CNTNAP2: variants seen among roughly 807,000 people sequenced by gnomAD.
The protein encoded by CNTNAP2 is contactin associated protein 2.
In CNTNAP2, 98 loss-of-function variants were observed where a neutral mutation model predicts 155.2. That is an observed-to-expected ratio of 0.63 (90% CI 0.54 to 0.75). The LOEUF is 0.75. Ranked by LOEUF, CNTNAP2 falls within the 30% of genes least tolerant of loss-of-function variation. The probability of loss-of-function intolerance (pLI) is 0.00; values close to 1 mark genes in which losing one functional copy is unlikely to be tolerated. For synonymous variants in CNTNAP2, 651 were observed against 631.2 expected (o/e 1.03, Z -0.47); for missense variants, 1,727 against 1,688.1 (o/e 1.02, Z -0.40).
At chr7:146,120,746 G>T (rs1339683945) in intron 1 of CNTNAP2, among the ~76,000 whole-genome samples, 1 of 152,080 alleles carries the variant, frequency 6.6e-6, no homozygotes, top group Non-Finnish European at 1.5e-5. Context: ...TAAGTATGAT[G>T]AGATACACAA....
chr7:148,199,698 G>A (rs550832806), intron 18 of CNTNAP2, among the ~76,000 whole-genome samples: 1 of 152,300 alleles, frequency 6.6e-6, no homozygotes, highest in East Asian at 1.9e-4. Flanking sequence ...AGATTTTAAA[G>A]ACTTAGCATG....
At chr7:146,734,280 A>G (rs1801574265) in intron 1 of CNTNAP2, among the ~76,000 whole-genome samples, 1 of 152,128 alleles carries the variant, frequency 6.6e-6, no homozygotes, top group South Asian at 2.1e-4. Flanking sequence ...TATATTGTTG[A>G]GCTGTTTTAT....
intron 9 of CNTNAP2, among the ~76,000 whole-genome samples, chr7:147,351,915 A>C (rs918904627): frequency 1.3e-5 from 2 of 151,958 alleles, no homozygotes; most frequent in Non-Finnish European, 2.9e-5. Context: ...ATTTAAGGTG[A>C]AAATCTTCTT....
At position 147,642,011 on chromosome 7, in the gene CNTNAP2, C is replaced by CGTGTGTGT. The variant is rs3053478; in HGVS notation, c.2098+2718_2098+2725dup. Among the ~76,000 whole-genome samples the CGTGTGTGT allele has an allele frequency of 7.6e-3, 1,132 of 149,706 alleles. 17 individuals are homozygous for CGTGTGTGT. The highest frequency in any genetic ancestry group is 0.025 in the African/African-American group (1,028 of 40,772). ...CACTTATCATAGGTGTGTGTGTGTG[C>CGTGTGTGT]GTGTGTGTGTGTGTGTGTGTTTTAA... On this transcript the variant is annotated intron_variant, in intron 13 of 23. Transcript: ENST00000361727.
At chr7:147,919,459 C>CTTTTTTTTTTTTTTTTTTTTTTTTT (rs796710849) in intron 14 of CNTNAP2, among the ~76,000 whole-genome samples, 1 of 51,228 alleles carries the variant, frequency 2.0e-5, no homozygotes, top group African/African-American at 1.1e-4. Flanking sequence ...CTTTTTCTTT[C>CTTTTTTTTTTTTTTTTTTTTTTTTT]TTTTTTTTTT....
At chr7:146,934,381 A>C (rs571566274) in intron 3 of CNTNAP2, among the ~76,000 whole-genome samples, 1 of 147,608 alleles carries the variant, frequency 6.8e-6, no homozygotes, top group South Asian at 2.2e-4. Context: ...CATAGATGGG[A>C]ATTGAACAAT....
At chr7:148,047,132 A>G (rs1035375434) in intron 15 of CNTNAP2, among the ~76,000 whole-genome samples, 3 of 152,184 alleles carry the variant, frequency 2.0e-5, no homozygotes, top group African/African-American at 7.2e-5. Flanking sequence ...TTCGTGCTAC[A>G]TGATAACTAC....
chr7:146,645,770 A>AGT (rs35384532), intron 1 of CNTNAP2, among the ~76,000 whole-genome samples: 27,596 of 150,660 alleles, frequency 0.18, 3,102 homozygotes, highest in East Asian at 0.48. Flanking sequence ...TAAGCTACCC[A>AGT]GTGTGTGTGT....
chr7:147,624,885 G>T (rs904247751), intron 12 of CNTNAP2, among the ~76,000 whole-genome samples: 2 of 152,100 alleles, frequency 1.3e-5, no homozygotes, highest in African/African-American at 4.8e-5. Context: ...AGTGGATAAA[G>T]AAAATGTGGT....
intron 11 of CNTNAP2, among the ~76,000 whole-genome samples, chr7:147,546,881 C>T (rs539647390): frequency 2.0e-4 from 31 of 152,286 alleles, no homozygotes; most frequent in Admixed American, 9.8e-4. Context: ...AGATTTTTGG[C>T]ATATGCATGC....
intron 4 of CNTNAP2, among the ~76,000 whole-genome samples, chr7:147,077,432 G>A (rs1320016843): frequency 1.8e-4 from 28 of 151,988 alleles, no homozygotes; most frequent in Admixed American, 1.5e-3. Context: ...TTCACAAAAG[G>A]AAAAGACTCA....
chr7:147,329,899 C>T (rs1195487169), intron 9 of CNTNAP2, among the ~76,000 whole-genome samples: 1 of 152,048 alleles, frequency 6.6e-6, no homozygotes, highest in Non-Finnish European at 1.5e-5. Flanking sequence ...ACTATGATTC[C>T]CTTCTTATGT....
intron 1 of CNTNAP2, among the ~76,000 whole-genome samples, chr7:146,736,654 C>T (rs1302350068): frequency 2.0e-5 from 3 of 152,216 alleles, no homozygotes; most frequent in Admixed American, 1.3e-4. Flanking sequence ...AACCGCTGTG[C>T]TGCACTGCCT....
intron 4 of CNTNAP2, among the ~76,000 whole-genome samples, chr7:147,060,037 G>A (rs1799633574): frequency 6.6e-6 from 1 of 152,040 alleles, no homozygotes; most frequent in Non-Finnish European, 1.5e-5. Context: ...TCTTCATTAG[G>A]AACTATCTTC....
intron 10 of CNTNAP2, among the ~76,000 whole-genome samples, chr7:147,478,527 A>G (rs546259522): frequency 1.3e-5 from 2 of 152,080 alleles, no homozygotes; most frequent in East Asian, 3.9e-4. Context: ...TGTCATGAAA[A>G]CCTTTGGGTA....
chr7:146,553,268 A>G (rs940722884), intron 1 of CNTNAP2, among the ~76,000 whole-genome samples: 2 of 152,108 alleles, frequency 1.3e-5, no homozygotes, highest in African/African-American at 2.4e-5. Context: ...TTCTTGAATC[A>G]TAACATAGAA....
intron 1 of CNTNAP2, among the ~76,000 whole-genome samples, chr7:146,512,766 C>T (rs1423502216): frequency 6.6e-6 from 1 of 151,790 alleles, no homozygotes; most frequent in Non-Finnish European, 1.5e-5. Context: ...TATTATGCAG[C>T]CGTTGGATAA....
intron 1 of CNTNAP2, among the ~76,000 whole-genome samples, chr7:146,175,074 T>C (rs1917934): frequency 0.32 from 48,855 of 151,894 alleles, 9,586 homozygotes; most frequent in African/African-American, 0.55. Context: ...ATATTTTAGG[T>C]ACCAAGCTAT....
chr7:147,201,376 C>T (rs997364745), intron 8 of CNTNAP2, among the ~76,000 whole-genome samples: 1 of 152,088 alleles, frequency 6.6e-6, no homozygotes, highest in Non-Finnish European at 1.5e-5. Flanking sequence ...ATTTTGAAGG[C>T]GTGAATGTCT....
Sources: allele counts gnomAD v4.1 joint callset (sites outside exome capture counted in the v4.1 genomes callset), GRCh38; gene constraint gnomAD v4.1.1; transcripts MANE v1.5; gene names NCBI Gene and HGNC (gene_info 2026-07-23, HGNC 2026-07-21).